DGKG: variants seen among roughly 807,000 people sequenced by gnomAD.
The protein encoded by DGKG is DAG kinase gamma.
In DGKG, 78 loss-of-function variants were observed where a neutral mutation model predicts 105.3. The observed-to-expected ratio is 0.74, with a 90% CI of 0.62 to 0.89. The LOEUF (loss-of-function observed/expected upper bound fraction) is 0.89. DGKG is among the 40% of genes least tolerant of loss of function. The pLI is 0.00. For missense variants in DGKG, 958 were observed against 1,020.1 expected (o/e 0.94, Z 0.83); for synonymous variants, 346 against 367.1 (o/e 0.94, Z 0.66).
intron 9 of DGKG, among the ~76,000 whole-genome samples, chr3:186,278,466 C>T (rs2108593152): frequency 6.6e-6 from 1 of 152,160 alleles, no homozygotes; most frequent in South Asian, 2.1e-4. Context: ...ATCTCTGGTG[C>T]TAGTTCGGTG....
intron 6 of DGKG, among the ~76,000 whole-genome samples, chr3:186,287,279 T>G (rs1184600044): frequency 6.6e-6 from 1 of 152,140 alleles, no homozygotes; most frequent in Non-Finnish European, 1.5e-5. Flanking sequence ...AGGTTATATT[T>G]AAGAAGAAGA....
At chr3:186,309,453 C>A (rs143205579) in intron 2 of DGKG, among the ~76,000 whole-genome samples, 1 of 152,204 alleles carries the variant, frequency 6.6e-6, no homozygotes, top group East Asian at 1.9e-4. Flanking sequence ...TCTCTGTTTT[C>A]TAAAGACCAC....
At chr3:186,204,191 T>C (rs1048695913) in intron 21 of DGKG, among the ~76,000 whole-genome samples, 6 of 152,242 alleles carry the variant, frequency 3.9e-5, no homozygotes, top group Non-Finnish European at 7.4e-5. Context: ...GGTAGATCTA[T>C]TGAGGTCAGG....
intron 6 of DGKG, among the ~76,000 whole-genome samples, chr3:186,287,607 A>C (rs1282757606): frequency 2.0e-5 from 3 of 152,266 alleles, no homozygotes; most frequent in Non-Finnish European, 4.4e-5. Flanking sequence ...CAATGCCTGA[A>C]ACTCAAAATC....
chr3:186,160,397 A>C, intron 24 of DGKG: 1 of 985,270 alleles, frequency 1.0e-6, no homozygotes, highest in East Asian at 1.1e-4. Flanking sequence ...ACTCAGTTCC[A>C]TCAAATGATA....
In DGKG at chr3:186,148,710, G is replaced by A. The variant is rs779676221; in HGVS notation, c.*1380C>T. On this transcript the variant is annotated 3_prime_UTR_variant, in exon 25 of 25. Coordinates refer to ENST00000265022, the MANE Select transcript of DGKG (RefSeq NM_001346.3). ...ATTTTCTTATCTGACAAATGGGAGA[G>A]TAAATCCAGCCCAGCAGGTCTTTCA... 5.1e-6 allele frequency: 5 copies of A among 984,644 alleles called. No homozygotes were observed. The highest frequency in any genetic ancestry group is 6.0e-6 in the Non-Finnish European group (5 of 829,248). The allele number at this position is 984,644 out of a possible 1,614,324, so 61.0% of individuals were successfully genotyped here.
At chr3:186,337,956 G>A (rs1725906772) in intron 1 of DGKG, among the ~76,000 whole-genome samples, 1 of 152,072 alleles carries the variant, frequency 6.6e-6, no homozygotes, top group Non-Finnish European at 1.5e-5. Context: ...GATTGCCTGA[G>A]CCCAGGAGTT....
At chr3:186,176,506 G>C (rs2108490455) in intron 22 of DGKG, among the ~76,000 whole-genome samples, 1 of 152,270 alleles carries the variant, frequency 6.6e-6, no homozygotes, top group East Asian at 1.9e-4. Flanking sequence ...ACGACAGGGA[G>C]GGCCTTATTC....
Position 186,320,439 on chromosome 3 carries a change from G to T in DGKG, c.21C>A (p.Val7=), listed in dbSNP as rs779478456. ...GGTCAAATTCTTCTGGAGTGAGGGA[G>T]ACCCACCGTTCTTCACCCATTTTTA... The part of the protein sequence containing the change: MGEERW[V]SLTPEEFDQL... The change falls in exon 2 of 25, where the codon GTC becomes GTA. Residue 7 remains valine, a synonymous_variant. Transcript: ENST00000265022. The T allele has an allele frequency of 1.9e-6, 3 of 1,614,014 alleles. No individual in the cohort carries two copies. The highest frequency in any genetic ancestry group is 1.1e-5 in the South Asian group (1 of 91,072).
intron 19 of DGKG, among the ~76,000 whole-genome samples, chr3:186,251,403 T>C (rs1030506541): frequency 6.6e-6 from 1 of 152,218 alleles, no homozygotes; most frequent in African/African-American, 2.4e-5. Context: ...CTGAAGCTCA[T>C]GTGAGAGTTT....
intron 1 of DGKG, among the ~76,000 whole-genome samples, chr3:186,335,767 G>A (rs1725804987): frequency 6.6e-6 from 1 of 151,690 alleles, no homozygotes; most frequent in African/African-American, 2.4e-5. Context: ...AGCAACTATG[G>A]ACAGTAATAA....
intron 22 of DGKG, among the ~76,000 whole-genome samples, chr3:186,179,501 G>T (rs1460792706): frequency 6.6e-6 from 1 of 152,130 alleles, no homozygotes; most frequent in Non-Finnish European, 1.5e-5. Context: ...CTTATCCAGG[G>T]AACAAAATAA....
chr3:186,257,827 G>T, intron 17 of DGKG, 27 bp downstream of exon 17: 2 of 1,572,492 alleles, frequency 1.3e-6, no homozygotes, highest in Non-Finnish European at 1.8e-6. Context: ...TAAATAAGCA[G>T]CAAACGCCCT....
rs184310617 is a variant in DGKG, at chr3:186,231,790, G to A, written c.1826+10714C>T. Among the ~76,000 whole-genome samples, 43 of 152,142 alleles carry A rather than the reference G, an allele frequency of 2.8e-4. No homozygotes were observed. The highest frequency in any genetic ancestry group is 6.8e-3 in the Middle Eastern group (2 of 294). ...AAAAAAATTAGCTGGGCATGGTGGCGCGCACCTGTAATCCCAGCTAATCAG... is the reference window on the plus strand; with the variant it reads ...AAAAAAATTAGCTGGGCATGGTGGCACGCACCTGTAATCCCAGCTAATCAG... On this transcript the variant is annotated intron_variant, in intron 20 of 24. Coordinates refer to ENST00000265022, the MANE Select transcript of DGKG (RefSeq NM_001346.3). The surrounding 1 kb of genome is among the most constrained non-coding windows in gnomAD (Gnocchi z 4.5).
intron 20 of DGKG, among the ~76,000 whole-genome samples, chr3:186,234,994 C>A (rs890256768): frequency 2.6e-5 from 4 of 151,946 alleles, no homozygotes; most frequent in African/African-American, 9.7e-5. Flanking sequence ...ACAACAACAA[C>A]AAAAAACCCT....
intron 20 of DGKG, among the ~76,000 whole-genome samples, chr3:186,225,331 C>T (rs563455752): frequency 1.6e-4 from 25 of 152,164 alleles, no homozygotes; most frequent in Non-Finnish European, 3.4e-4. Flanking sequence ...CTCCTCAAGC[C>T]CATTCATTCT....
chr3:186,282,208 G>T (rs1004003429), intron 7 of DGKG, among the ~76,000 whole-genome samples: 2 of 152,124 alleles, frequency 1.3e-5, no homozygotes, highest in Non-Finnish European at 2.9e-5. Flanking sequence ...CTGTTGGATT[G>T]GGGGAGAAGG....
chr3:186,270,617 A>G (rs578007634), intron 11 of DGKG, among the ~76,000 whole-genome samples: 3 of 152,332 alleles, frequency 2.0e-5, no homozygotes, highest in East Asian at 1.9e-4. Context: ...CATGGCCACA[A>G]TTGAATTTGC....
At chr3:186,357,867 T>G (rs1016609952) in intron 1 of DGKG, among the ~76,000 whole-genome samples, 1 of 152,212 alleles carries the variant, frequency 6.6e-6, no homozygotes, top group Non-Finnish European at 1.5e-5. Flanking sequence ...ATGTGCATTC[T>G]CCAATATGAT....
Sources: allele counts gnomAD v4.1 joint callset (sites outside exome capture counted in the v4.1 genomes callset), GRCh38; gene constraint gnomAD v4.1.1; non-coding constraint Gnocchi (gnomAD v3.1); transcripts MANE v1.5; gene names NCBI Gene and HGNC (gene_info 2026-07-23, HGNC 2026-07-21).